The following SORCS1 variants were observed in gnomAD, a reference collection of about 807,000 sequenced individuals.
The protein encoded by SORCS1 is sortilin related VPS10 domain containing receptor 1, also known as VPS10 domain-containing receptor SorCS1.
A neutral mutation model predicts 146.1 loss-of-function variants in SORCS1; 60 were observed. The ratio of observed to expected loss-of-function variants is 0.41; its 90% confidence interval spans 0.33 to 0.51. SORCS1 has a LOEUF of 0.51. SORCS1 is among the 20% of genes least tolerant of loss of function. SORCS1 has a pLI of 0.21. For missense variants in SORCS1, 1,352 were observed against 1,487.6 expected (o/e 0.91, Z 1.50); for synonymous variants, 637 against 584.0 (o/e 1.09, Z -1.31).
intron 8 of SORCS1, 115 bp downstream of exon 8, chr10:106,706,430 A>C: frequency 3.1e-6 from 3 of 970,332 alleles, no homozygotes. Flanking sequence ...CAGAGATGAG[A>C]GATGTAAAGA....
At chr10:106,837,375 C>T (rs370829161) in intron 2 of SORCS1, among the ~76,000 whole-genome samples, 1 of 152,032 alleles carries the variant, frequency 6.6e-6, no homozygotes, top group African/African-American at 2.4e-5. Flanking sequence ...TTCAACCCAA[C>T]CCCCTATGTT....
At chr10:106,589,685 G>A (rs1370642340) in intron 24 of SORCS1, among the ~76,000 whole-genome samples, 7 of 115,930 alleles carry the variant, frequency 6.0e-5, no homozygotes, top group East Asian at 2.7e-4. Flanking sequence ...CAAATTTATC[G>A]TCTTTGACGA....
the SORCS1 span, among the ~76,000 whole-genome samples, chr10:107,170,420 T>C: frequency 6.6e-6 from 1 of 152,170 alleles, no homozygotes; most frequent in Non-Finnish European, 1.5e-5. Context: ...AAAAACTCTT[T>C]AAAGGCCAAT....
At chr10:106,813,134 T>TTC (rs1456291620) in intron 3 of SORCS1, among the ~76,000 whole-genome samples, 3 of 140,062 alleles carry the variant, frequency 2.1e-5, no homozygotes, top group Non-Finnish European at 4.6e-5. Flanking sequence ...TTTTCTTTTT[T>TTC]TTTTTTTTTT....
rs1053043738 is a variant in SORCS1 at position 106,579,582 on chromosome 10, C to T, written c.3266-108G>A. On this transcript the variant is annotated intron_variant, in intron 24 of 25. Coordinates refer to ENST00000263054, the MANE Select transcript of SORCS1 (RefSeq NM_052918.5). ...CAAGCAGAGGTAAGTCCTGGAAAAC[C>T]ATGTGGGATATACACACAAGATGCA... 6.2e-5 allele frequency: 70 copies of T among 1,134,132 alleles called. No individual in the cohort carries two copies. The Admixed American group carries it at 9.2e-4, about 15-fold the overall frequency. The allele number at this position is 1,134,132 out of a possible 1,614,324, so 70.3% of individuals were successfully genotyped here.
chr10:107,059,461 TG>T (rs891704478), intron 1 of SORCS1, among the ~76,000 whole-genome samples: 1 of 149,082 alleles, frequency 6.7e-6, no homozygotes, highest in African/African-American at 2.4e-5. Context: ...GCATTATCTC[TG>T]GTTGAGACAA....
intron 24 of SORCS1, among the ~76,000 whole-genome samples, chr10:106,596,372 C>A (rs59884325): frequency 2.3e-3 from 348 of 152,282 alleles, no homozygotes; most frequent in African/African-American, 7.7e-3. Context: ...AATAAGTACT[C>A]AATAAATATT....
In SORCS1 at chr10:106,597,340, T is replaced by A; in HGVS notation, c.3265+11A>T. 6.2e-7 allele frequency: 1 copy of A among 1,612,138 alleles called. No homozygotes were observed. On this transcript the variant is annotated intron_variant, in intron 24 of 25. Transcript: ENST00000263054. ...AGCCACCAGCCAGAACCCCGGGACATGGACACTGACCCGCTGTTAAGTGAG... is the reference window on the plus strand; with the variant it reads ...AGCCACCAGCCAGAACCCCGGGACAAGGACACTGACCCGCTGTTAAGTGAG...
rs1045353143 is a variant in SORCS1 at position 107,096,763 on chromosome 10, C to T, written c.558+67206G>A. Among the ~76,000 whole-genome samples the T allele has an allele frequency of 5.9e-5, 9 of 152,144 alleles. 1 individual carries two copies. Among genetic ancestry groups the T allele is most frequent in the Non-Finnish European group, 1.2e-4 (8 of 68,034 alleles). ...CTGACCTCAGGTGATCGGCCCACCT[C>T]GGCCTCCCAAAATGCTGGGATTACA... is the stretch of plus-strand genomic sequence containing the variant. On this transcript the variant is annotated intron_variant, in intron 1 of 25. Transcript: ENST00000263054.
intron 2 of SORCS1, among the ~76,000 whole-genome samples, chr10:106,858,210 T>A (rs1328367766): frequency 3.3e-5 from 5 of 152,222 alleles, no homozygotes; most frequent in African/African-American, 1.2e-4. Context: ...TTTATGTTAA[T>A]AAGGGATAGA....
chr10:107,044,695 C>T (rs1237262570), intron 1 of SORCS1, among the ~76,000 whole-genome samples: 4 of 149,514 alleles, frequency 2.7e-5, no homozygotes, highest in Non-Finnish European at 6.0e-5. Context: ...TTGTGGCGGG[C>T]GTCTGTAGTC....
At chr10:106,930,971 T>C (rs1347221568) in intron 2 of SORCS1, among the ~76,000 whole-genome samples, 1 of 152,222 alleles carries the variant, frequency 6.6e-6, no homozygotes, top group Non-Finnish European at 1.5e-5. Context: ...GAACTGGCTA[T>C]GAAATGTATT....
intron 2 of SORCS1, among the ~76,000 whole-genome samples, chr10:106,880,216 G>A (rs961543299): frequency 6.6e-6 from 1 of 152,134 alleles, no homozygotes; most frequent in Non-Finnish European, 1.5e-5. Context: ...TTGACTTGTT[G>A]AATAAGCATG....
At chr10:106,716,072 A>G (rs1220150945) in intron 6 of SORCS1, among the ~76,000 whole-genome samples, 1 of 152,048 alleles carries the variant, frequency 6.6e-6, no homozygotes, top group Non-Finnish European at 1.5e-5. Flanking sequence ...TTTATATTCA[A>G]TTTTTGTTTG....
intron 4 of SORCS1, among the ~76,000 whole-genome samples, chr10:106,764,933 G>T (rs557335526): frequency 6.6e-6 from 1 of 151,068 alleles, no homozygotes; most frequent in South Asian, 2.1e-4. Flanking sequence ...TGAGGCAGGA[G>T]GATGGTGTGA....
In SORCS1 at chr10:106,618,258, C is replaced by T; in HGVS notation, c.2811G>A (p.Leu937=). The change falls in exon 21 of 26, where the codon TTG becomes TTA. Residue 937 remains leucine (L), a synonymous_variant. Transcript: ENST00000263054. The part of the protein sequence containing the change: ...YGNNTEPLIT[L]EGSISFRFTS... ...TAAATCTGAAGGATATGCTTCCCTC[C>T]AAGGTGATCAAAGGCTAAAATAAAC... 2 of 1,613,880 alleles carry T rather than the reference C, an allele frequency of 1.2e-6. No homozygotes were observed. The highest frequency in any genetic ancestry group is 1.7e-6 in the Non-Finnish European group (2 of 1,179,888).
intron 1 of SORCS1, among the ~76,000 whole-genome samples, chr10:107,122,719 A>T (rs1966478934): frequency 6.6e-6 from 1 of 152,174 alleles, no homozygotes; most frequent in African/African-American, 2.4e-5. Context: ...GAAAAAAAAA[A>T]GTAGTCCTGT....
chr10:106,785,738 T>C (rs1213925453), intron 3 of SORCS1, among the ~76,000 whole-genome samples: 1 of 152,192 alleles, frequency 6.6e-6, no homozygotes, highest in South Asian at 2.1e-4. Context: ...ATTTCTCTTA[T>C]ACAGGATTTG....
At position 106,579,490 on chromosome 10, in the gene SORCS1, G is replaced by C; in HGVS notation, c.3266-16C>G. 1.2e-6 allele frequency: 2 copies of C among 1,613,150 alleles called. No individual in the cohort carries two copies. The highest frequency in any genetic ancestry group is 1.7e-6 in the Non-Finnish European group (2 of 1,179,578). ...ACCAGGGGGGCTTGTGGGGGAAACAGAGCAGAGAAAAATGAGCAGAGAACT... is the reference window on the plus strand; with the variant it reads ...ACCAGGGGGGCTTGTGGGGGAAACACAGCAGAGAAAAATGAGCAGAGAACT... On this transcript the variant is annotated splice_polypyrimidine_tract_variant and intron_variant, in intron 24 of 25. Transcript: ENST00000263054.
Sources: allele counts gnomAD v4.1 joint callset (sites outside exome capture counted in the v4.1 genomes callset), GRCh38; gene constraint gnomAD v4.1.1; transcripts MANE v1.5; gene names NCBI Gene and HGNC (gene_info 2026-07-23, HGNC 2026-07-21).